Variants in PTPN14 observed in about 807,000 individuals in gnomAD.
The protein encoded by PTPN14 is tyrosine-protein phosphatase non-receptor type 14.
PTPN14 carries 53 observed loss-of-function variants against 126.8 expected under a neutral mutation model. That is an observed-to-expected ratio of 0.42 (90% CI 0.34 to 0.53). The LOEUF (loss-of-function observed/expected upper bound fraction) is 0.53, where lower values mean the gene tolerates loss of function less well. PTPN14 is among the 20% of genes least tolerant of loss of function. The pLI is 0.08. For synonymous variants in PTPN14, 630 were observed against 599.3 expected (o/e 1.05, Z -0.75); for missense variants, 1,257 against 1,552.9 (o/e 0.81, Z 3.20).
In PTPN14 at chr1:214,352,742, C is replaced by T. The variant is rs1657729817; in HGVS notation, c.*5180G>A. On this transcript the variant is annotated 3_prime_UTR_variant, in exon 19 of 19. Transcript: ENST00000366956. ...GGCCATTGGAGAATTTGTGTGGTTT[C>T]TACAGAAGACCCAAATTTCTCCATT... 4 of 152,186 alleles carry T rather than the reference C, an allele frequency of 2.6e-5. No individual in the cohort carries two copies. The South Asian group carries it at 8.3e-4, about 32-fold the overall frequency. 9.4% of individuals were successfully genotyped at this position (152,186 alleles called of 1,614,324 possible). A position where few individuals can be genotyped will look rare whatever the true frequency, so the allele number is the denominator to read the frequency against.
chr1:214,425,871 C>A (rs1412949741), intron 3 of PTPN14, among the ~76,000 whole-genome samples: 1 of 151,898 alleles, frequency 6.6e-6, no homozygotes, highest in African/African-American at 2.4e-5. Flanking sequence ...AACAACCCTG[C>A]AAGATAGCCA....
rs570763593 is a variant in PTPN14, at chr1:214,499,737, C to T, written c.-154-34780G>A. On this transcript the variant is annotated intron_variant, in intron 1 of 18. Coordinates refer to ENST00000366956, the MANE Select transcript of PTPN14 (RefSeq NM_005401.5). ...AAATGGTTAGGCTATCAAATGAATG[C>T]TCCATAAATTTGTTATATTATTTCT... Among the ~76,000 whole-genome samples the T allele has an allele frequency of 3.3e-4, 50 of 152,182 alleles. No homozygotes were observed. The East Asian group carries it at 9.3e-3, about 28-fold the overall frequency.
chr1:214,438,801 G>T (rs1331608073), intron 3 of PTPN14, among the ~76,000 whole-genome samples: 1 of 152,172 alleles, frequency 6.6e-6, no homozygotes, highest in East Asian at 1.9e-4. Context: ...CTCTCTGAGG[G>T]ATGCAGCAGT....
rs761792913 is a variant in PTPN14, at chr1:214,357,778, T to G, written c.*144A>C. 1.3e-4 allele frequency: 75 copies of G among 599,210 alleles called. No homozygotes were observed. The highest frequency in any genetic ancestry group is 1.0e-4 in the Non-Finnish European group (34 of 335,802). The allele number at this position is 599,210 out of a possible 1,614,324, so 37.1% of individuals were successfully genotyped here. A position where few individuals can be genotyped will look rare whatever the true frequency, so the allele number is the denominator to read the frequency against. On this transcript the variant is annotated 3_prime_UTR_variant, in exon 19 of 19. Coordinates refer to ENST00000366956, the MANE Select transcript of PTPN14 (RefSeq NM_005401.5). ...CATATAAAATAATACATGGTATGTG[T>G]GAATAATCTTGGCTACTGTCTTCAG... is the stretch of plus-strand genomic sequence containing the variant.
Position 214,499,904 on chromosome 1 carries a change from G to A in PTPN14, c.-154-34947C>T, listed in dbSNP as rs79935576. Reference sequence around the variant, plus strand: ...TCAAAAGCCATTACATTTCCTACAGGAACTCTTACCCTCGTGACACTTCTG... The same window carrying A: ...TCAAAAGCCATTACATTTCCTACAGAAACTCTTACCCTCGTGACACTTCTG... On this transcript the variant is annotated intron_variant, in intron 1 of 18. Transcript: ENST00000366956. Among the ~76,000 whole-genome samples, 23 of 151,940 alleles carry A rather than the reference G, an allele frequency of 1.5e-4. 1 individual carries two copies. In the East Asian group the frequency reaches 4.5e-3, roughly 30 times the overall value.
chr1:214,411,801 G>C lies in PTPN14; in HGVS notation c.443-50C>G, dbSNP rs540466847. On this transcript the variant is annotated intron_variant, in intron 4 of 18. Coordinates refer to ENST00000366956, the MANE Select transcript of PTPN14 (RefSeq NM_005401.5). ...GCAGTATTTATTATATGAAATTAAA[G>C]ATGGAATAAAATAGGGCAAACTCAT... 3 of 1,259,760 alleles carry C rather than the reference G, an allele frequency of 2.4e-6. 1 individual carries two copies. The highest frequency in any genetic ancestry group is 2.7e-5 in the South Asian group (2 of 73,700). 78.0% of individuals were successfully genotyped at this position (1,259,760 alleles called of 1,614,324 possible).
intron 1 of PTPN14, 109 bp from the exon 2 acceptor site, chr1:214,465,066 T>C: frequency 2.6e-6 from 1 of 385,980 alleles, no homozygotes. Flanking sequence ...GCCAAACAGA[T>C]CAACACTCAG....
intron 1 of PTPN14, chr1:214,530,283 C>T (rs1339144343): frequency 6.6e-6 from 1 of 151,974 alleles, no homozygotes; most frequent in African/African-American, 2.4e-5. Context: ...AAGTGATCAA[C>T]CCCTAACCAA....
rs948217635 is a variant in PTPN14, at chr1:214,465,055, C to T, written c.-154-98G>A. 1.6e-4 allele frequency: 58 copies of T among 368,742 alleles called. 2 individuals are homozygous for T. Among genetic ancestry groups the T allele is most frequent in the South Asian group, 4.1e-5 (1 of 24,488 alleles). The allele number at this position is 368,742 out of a possible 1,614,324, so 22.8% of individuals were successfully genotyped here. ...CAGAAGCCCCCCCCCCCCCCCACCCCGCCAAACAGATCAACACTCAGGTTT... is the reference window on the plus strand; with the variant it reads ...CAGAAGCCCCCCCCCCCCCCCACCCTGCCAAACAGATCAACACTCAGGTTT... On this transcript the variant is annotated intron_variant, in intron 1 of 18. Transcript: ENST00000366956.
intron 1 of PTPN14, among the ~76,000 whole-genome samples, chr1:214,465,265 C>T (rs147903117): frequency 1.3e-5 from 2 of 152,188 alleles, no homozygotes; most frequent in Non-Finnish European, 2.9e-5. Flanking sequence ...CCAATGTCTA[C>T]GTAACTTCAG....
intron 7 of PTPN14, among the ~76,000 whole-genome samples, chr1:214,398,957 C>T (rs1658952984): frequency 6.6e-6 from 1 of 151,448 alleles, no homozygotes; most frequent in Admixed American, 6.6e-5. Context: ...TTAGTAGAGA[C>T]AGGGTTTCAC....
intron 3 of PTPN14, among the ~76,000 whole-genome samples, chr1:214,432,711 A>G (rs1250582189): frequency 6.7e-6 from 1 of 149,956 alleles, no homozygotes; most frequent in East Asian, 2.0e-4. Flanking sequence ...AAGAGCATAT[A>G]CTGTATTACT....
intron 1 of PTPN14, among the ~76,000 whole-genome samples, chr1:214,518,133 T>G (rs1486395444): frequency 6.6e-6 from 1 of 152,176 alleles, no homozygotes; most frequent in Non-Finnish European, 1.5e-5. Context: ...AAGATTGAAC[T>G]GGGTACTGTA....
intron 3 of PTPN14, among the ~76,000 whole-genome samples, chr1:214,432,560 T>C (rs1306118458): frequency 6.6e-6 from 1 of 152,200 alleles, no homozygotes; most frequent in African/African-American, 2.4e-5. Context: ...ATGTAAACAA[T>C]TCAAATGTCC....
chr1:214,526,862 C>T (rs192145898), intron 1 of PTPN14, among the ~76,000 whole-genome samples: 13 of 152,220 alleles, frequency 8.5e-5, no homozygotes, highest in African/African-American at 3.1e-4. Context: ...GAGGCCAACG[C>T]GGGGGGATCA....
At position 214,384,015 on chromosome 1, in the gene PTPN14, A is replaced by G. The variant is rs1347498179; in HGVS notation, c.1840T>C (p.Ser614Pro). 1.2e-6 allele frequency: 2 copies of G among 1,603,750 alleles called. No individual in the cohort carries two copies. The highest frequency in any genetic ancestry group is 2.2e-5 in the South Asian group (2 of 90,900). ...LSVKTFQEDSSPVVHQSLQEV... is the reference protein window; with the variant it reads ...LSVKTFQEDSPPVVHQSLQEV... ...TGGAGAGACTGATGAACCACCGGAG[A>G]GCTGTCCTCTTGGAAGGTCTTCACC... The change falls in exon 13 of 19, where the codon TCT (serine) becomes CCT (proline). Residue 614 changes from serine to proline, a missense_variant. Ser to Pro is a moderately conservative substitution (Grantham distance 74). Around this residue, in one of 3 missense-constraint regions of PTPN14, gnomAD observed 1,021 missense variants for 1,183.3 expected, o/e 0.86. Transcript: ENST00000366956. The surrounding 1 kb of genome is among the most constrained non-coding windows in gnomAD (Gnocchi z 5.3).
chr1:214,549,791 G>A (rs1376647372), intron 1 of PTPN14, among the ~76,000 whole-genome samples: 4 of 152,212 alleles, frequency 2.6e-5, no homozygotes, highest in Admixed American at 1.3e-4. Flanking sequence ...AGCAGGCATG[G>A]AGGTGTATCC....
intron 2 of PTPN14, among the ~76,000 whole-genome samples, chr1:214,456,359 G>A (rs1210193586): frequency 6.6e-6 from 1 of 152,114 alleles, no homozygotes; most frequent in Admixed American, 6.6e-5. Context: ...GTTTCACTGA[G>A]GCATGGAAAA....
intron 1 of PTPN14, among the ~76,000 whole-genome samples, chr1:214,537,268 T>G (rs968496367): frequency 3.3e-5 from 5 of 152,132 alleles, no homozygotes; most frequent in African/African-American, 1.2e-4. Flanking sequence ...CCCCGGTAGA[T>G]ACTAATGAGC....
Sources: gnomAD v4.1 joint callset for allele counts (sites outside exome capture counted in the v4.1 genomes callset) on GRCh38, gnomAD v4.1.1 for gene constraint, gnomAD v4.1.1 regional missense constraint, Gnocchi (gnomAD v3.1) non-coding constraint, MANE v1.5 for transcripts, NCBI Gene and HGNC (gene_info 2026-07-23, HGNC 2026-07-21) for gene names.